Variants in CPN2 observed in about 807,000 individuals in gnomAD.
CPN2 encodes the protein carboxypeptidase N subunit 2.
For missense variants in CPN2, 620 were observed against 671.4 expected (o/e 0.92, Z 0.85); for synonymous variants, 336 against 318.4 (o/e 1.06, Z -0.59).
intron 1 of CPN2, among the ~76,000 whole-genome samples, chr3:194,347,263 C>A (rs10933652): frequency 0.68 from 102,611 of 150,764 alleles, 35,225 homozygotes; most frequent in East Asian, 0.81. Context: ...CCTCTCCTCA[C>A]ATTGCTTATG....
Position 194,341,312 on chromosome 3 carries a change from G to C in CPN2, c.1391C>G (p.Ala464Gly), listed in dbSNP as rs987607092. Residue 464 changes from alanine (A) to glycine (G), a missense_variant, in exon 2 of 2, where the codon GCA (alanine) becomes GGA (glycine). Transcript: ENST00000323830. Reference sequence around the variant, plus strand: ...CACAGCCAGATCCCAGCTGCCCCCTGCCTTGCTTTCGTCCGGCCACGTGAC... The same window carrying C: ...CACAGCCAGATCCCAGCTGCCCCCTCCCTTGCTTTCGTCCGGCCACGTGAC... Reference protein sequence around the residue: ...FQVTWPDESKAGGSWDLAVQE... With the variant: ...FQVTWPDESKGGGSWDLAVQE... 1 of 1,613,700 alleles carries C rather than the reference G, an allele frequency of 6.2e-7. No individual in the cohort carries two copies.
chr3:194,349,754 T>C (rs1576993188), intron 1 of CPN2, among the ~76,000 whole-genome samples: 2 of 138,066 alleles, frequency 1.4e-5, no homozygotes, highest in African/African-American at 5.3e-5. Context: ...ACTTCCCCCA[T>C]GAAGCCTTCC....
chr3:194,350,123 C>T (rs566661124), intron 1 of CPN2, among the ~76,000 whole-genome samples: 140 of 152,186 alleles, frequency 9.2e-4, no homozygotes, highest in African/African-American at 3.2e-3. Flanking sequence ...CCTCGGATCC[C>T]TCTTGTACTG....
Position 194,342,156 on chromosome 3 carries a change from G to A in CPN2, c.547C>T (p.Gln183Ter), listed in dbSNP as rs753983327. Reference protein sequence around the residue: ...TLNLAQNLLAQLPEELFHPLT... With the variant: ...TLNLAQNLLA ...GGGTGGAACAGCTCCTCCGGGAGCTGGGCCAGGAGGTTCTGGGCCAGGTTG... is the reference window on the plus strand; with the variant it reads ...GGGTGGAACAGCTCCTCCGGGAGCTAGGCCAGGAGGTTCTGGGCCAGGTTG... The change falls in exon 2 of 2, where the codon CAG becomes TAG. Residue 183 changes from glutamine to a stop codon, truncating the protein, a stop_gained. Coordinates refer to ENST00000323830, the MANE Select transcript of CPN2 (RefSeq NM_001080513.4). LOFTEE classifies it low-confidence loss of function (END_TRUNC). The A allele has an allele frequency of 1.2e-6, 2 of 1,614,112 alleles. No individual in the cohort carries two copies. Among genetic ancestry groups the A allele is most frequent in the South Asian group, 1.1e-5 (1 of 91,078 alleles).
Position 194,341,963 on chromosome 3 carries a change from C to A in CPN2, c.740G>T (p.Trp247Leu). Residue 247 changes from tryptophan (W) to leucine (L), a missense_variant, in exon 2 of 2, where the codon TGG becomes TTG. Physicochemically the swap from Trp to Leu is moderately conservative, Grantham distance 61 (BLOSUM62 -2). Coordinates refer to ENST00000323830, the MANE Select transcript of CPN2 (RefSeq NM_001080513.4). The stretch of plus-strand genomic sequence containing the variant: ...GTGCGTGATGGCGTTGCGTTGCAGC[C>A]ACAGCCTCTCTAGGCAGAAGAGCTG... ...FSQLFCLERL[W>L]LQRNAITHLP... 1.9e-6 allele frequency: 3 copies of A among 1,614,164 alleles called. No individual in the cohort carries two copies. Among genetic ancestry groups the A allele is most frequent in the Non-Finnish European group, 2.5e-6 (3 of 1,180,030 alleles).
At chr3:194,343,329 A>G (rs1367915771) in intron 1 of CPN2, among the ~76,000 whole-genome samples, 1 of 152,264 alleles carries the variant, frequency 6.6e-6, no homozygotes, top group Non-Finnish European at 1.5e-5. Flanking sequence ...TTAAAAAATT[A>G]AAAAACAGAT....
intron 1 of CPN2, among the ~76,000 whole-genome samples, chr3:194,345,797 C>A (rs5001412): frequency 0.3 from 45,153 of 152,198 alleles, 7,109 homozygotes; most frequent in African/African-American, 0.38. Flanking sequence ...CTCGAGCCCA[C>A]TGGGGTGAGG....
rs1712892218 is a variant in CPN2 at position 194,342,513 on chromosome 3, A to T, written c.190T>A (p.Leu64Met). 1.2e-6 allele frequency: 2 copies of T among 1,614,062 alleles called. No individual in the cohort carries two copies. The highest frequency in any genetic ancestry group is 1.7e-6 in the Non-Finnish European group (2 of 1,180,024). The change falls in exon 2 of 2, where the codon TTG becomes ATG. Residue 64 changes from leucine (L) to methionine (M), a missense_variant. Coordinates refer to ENST00000323830, the MANE Select transcript of CPN2 (RefSeq NM_001080513.4). ...TTACTGCCAAAAGCTCTGGTTTCCAATGTGGTGAACGAGGTCTCCACAAAG... is the reference window on the plus strand; with the variant it reads ...TTACTGCCAAAAGCTCTGGTTTCCATTGTGGTGAACGAGGTCTCCACAAAG... The part of the protein sequence containing the change: ...IIFVETSFTT[L>M]ETRAFGSNPN...
intron 1 of CPN2, among the ~76,000 whole-genome samples, chr3:194,345,616 C>A (rs1713015506): frequency 6.6e-6 from 1 of 152,244 alleles, no homozygotes; most frequent in South Asian, 2.1e-4. Context: ...ATGGACCAGA[C>A]AACGCTGGGG....
chr3:194,346,591 G>A (rs933663274), intron 1 of CPN2, among the ~76,000 whole-genome samples: 1 of 152,204 alleles, frequency 6.6e-6, no homozygotes, highest in Non-Finnish European at 1.5e-5. Context: ...CTCCAGCTTA[G>A]CTCTGTGGCT....
chr3:194,347,209 T>C (rs367773502), intron 1 of CPN2, among the ~76,000 whole-genome samples: 5,785 of 151,992 alleles, frequency 0.038, 358 homozygotes, highest in African/African-American at 0.13. Context: ...GTTTTTTTTT[T>C]TTGAGGGATA....
chr3:194,341,825 C>A lies in CPN2; in HGVS notation c.878G>T (p.Gly293Val). The A allele has an allele frequency of 6.2e-7, 1 of 1,613,880 alleles. No individual in the cohort carries two copies. Among genetic ancestry groups the A allele is most frequent in the Non-Finnish European group, 8.5e-7 (1 of 1,179,828 alleles). Residue 293 changes from glycine to valine, a missense_variant, in exon 2 of 2, where the codon GGC becomes GTC. Coordinates refer to ENST00000323830, the MANE Select transcript of CPN2 (RefSeq NM_001080513.4). Reference protein sequence around the residue: ...GLFAHTPCLVGLSLTHNQLET... With the variant: ...GLFAHTPCLVVLSLTHNQLET... Reference sequence around the variant, plus strand: ...CAGCTGGTTATGGGTCAGAGACAGGCCAACCAGGCACGGGGTGTGGGCAAA... The same window carrying A: ...CAGCTGGTTATGGGTCAGAGACAGGACAACCAGGCACGGGGTGTGGGCAAA...
chr3:194,345,745 G>T (rs528118830), intron 1 of CPN2, among the ~76,000 whole-genome samples: 1 of 152,162 alleles, frequency 6.6e-6, no homozygotes, highest in Non-Finnish European at 1.5e-5. Context: ...CATCCCTCCC[G>T]CCAGGAAAAC....
rs577545628 is a variant in CPN2 at position 194,349,233 on chromosome 3, C to T, written c.-4+2009G>A. Among the ~76,000 whole-genome samples, 192 of 152,068 alleles carry T rather than the reference C, an allele frequency of 1.3e-3. 1 individual carries two copies. The highest frequency in any genetic ancestry group is 4.3e-3 in the African/African-American group (180 of 41,472). ...AAAATTAGCTGGGCGTGGTGGTGTG[C>T]GCCTGTAATCCCAGCTACTCGGGAG... On this transcript the variant is annotated intron_variant, in intron 1 of 1. Coordinates refer to ENST00000323830, the MANE Select transcript of CPN2 (RefSeq NM_001080513.4).
rs748427737 is a variant in CPN2 at position 194,342,054 on chromosome 3, C to G, written c.649G>C (p.Gly217Arg). 2 of 1,614,118 alleles carry G rather than the reference C, an allele frequency of 1.2e-6. No homozygotes were observed. The highest frequency in any genetic ancestry group is 3.3e-5 in the Admixed American group (2 of 60,014). The change falls in exon 2 of 2, where the codon GGC (glycine) becomes CGC (arginine). Residue 217 changes from glycine (G) to arginine (R), a missense_variant. Transcript: ENST00000323830. Reference protein sequence around the residue: ...GLPQGVFGKLGSLQELFLDSN... With the variant: ...GLPQGVFGKLRSLQELFLDSN... The stretch of plus-strand genomic sequence containing the variant: ...TCCAGGAAGAGCTCCTGCAGGCTGC[C>G]CAGTTTGCCAAACACACCCTGGGGG...
At chr3:194,346,997 C>T (rs1046139454) in intron 1 of CPN2, among the ~76,000 whole-genome samples, 45 of 152,278 alleles carry the variant, frequency 3.0e-4, no homozygotes, top group Non-Finnish European at 5.4e-4. Flanking sequence ...CCTTCCCCAG[C>T]CTGGCCTCAA....
chr3:194,348,832 C>T (rs1165643942), intron 1 of CPN2, among the ~76,000 whole-genome samples: 1 of 151,822 alleles, frequency 6.6e-6, no homozygotes, highest in African/African-American at 2.4e-5. Context: ...GTCGAGGCTG[C>T]AATGAGTGGG....
chr3:194,347,280 T>C (rs1479820629), intron 1 of CPN2, among the ~76,000 whole-genome samples: 1 of 150,124 alleles, frequency 6.7e-6, no homozygotes, highest in Non-Finnish European at 1.5e-5. Context: ...TATGGGAGGG[T>C]ACGTTTCTGT....
chr3:194,349,579 C>T (rs997445559), intron 1 of CPN2, among the ~76,000 whole-genome samples: 5 of 152,038 alleles, frequency 3.3e-5, no homozygotes, highest in African/African-American at 1.2e-4. Context: ...TTGACTCTTT[C>T]CTTCCTGGCA....
Sources: gnomAD v4.1 joint callset for allele counts (sites outside exome capture counted in the v4.1 genomes callset) on GRCh38, gnomAD v4.1.1 for gene constraint, MANE v1.5 for transcripts, NCBI Gene and HGNC (gene_info 2026-07-23, HGNC 2026-07-21) for gene names.